Variants in UNC5D observed in about 807,000 individuals in gnomAD.
UNC5D encodes unc-5 netrin receptor D.
A neutral mutation model predicts 105.4 loss-of-function variants in UNC5D; 39 were observed. The ratio of observed to expected loss-of-function variants is 0.37; its 90% CI spans 0.29 to 0.48. The LOEUF is 0.48. Ranked by LOEUF, UNC5D falls within the 20% of genes least tolerant of loss-of-function variation. UNC5D has a pLI of 0.98. For synonymous variants in UNC5D, 452 were observed against 450.4 expected (o/e 1.00, Z -0.04); for missense variants, 991 against 1,202.4 (o/e 0.82, Z 2.60).
chr8:35,429,842 C>T (rs980867811), intron 1 of UNC5D, among the ~76,000 whole-genome samples: 9 of 152,118 alleles, frequency 5.9e-5, no homozygotes, highest in African/African-American at 2.2e-4. Context: ...TAGAGCCTAG[C>T]ATTTTGTTTT....
chr8:35,719,523 G>C (rs1013435828), intron 8 of UNC5D, among the ~76,000 whole-genome samples: 2 of 152,166 alleles, frequency 1.3e-5, no homozygotes, highest in African/African-American at 4.8e-5. Context: ...AGTGTAAAAT[G>C]TGGCTTTGAG....
At chr8:35,251,858 G>A (rs954371076) in intron 1 of UNC5D, among the ~76,000 whole-genome samples, 8 of 152,018 alleles carry the variant, frequency 5.3e-5, no homozygotes, top group East Asian at 3.9e-4. Context: ...TTCCTCATAC[G>A]GAGTAGGGTG....
At chr8:35,347,989 T>C (rs971597093) in intron 1 of UNC5D, among the ~76,000 whole-genome samples, 1 of 151,968 alleles carries the variant, frequency 6.6e-6, no homozygotes, top group African/African-American at 2.4e-5. Context: ...ATTTCTTTAA[T>C]GGAAATTCTT....
chr8:35,721,984 C>T (rs1178218312), intron 8 of UNC5D, among the ~76,000 whole-genome samples: 1 of 152,192 alleles, frequency 6.6e-6, no homozygotes, highest in Non-Finnish European at 1.5e-5. Flanking sequence ...TGCTAAGCTA[C>T]CTTAATGCAG....
At chr8:35,535,126 T>G (rs1342873970) in intron 1 of UNC5D, among the ~76,000 whole-genome samples, 2 of 152,224 alleles carry the variant, frequency 1.3e-5, no homozygotes, top group Middle Eastern at 3.2e-3. Flanking sequence ...CAAAATTAAG[T>G]GCTTGCTATA....
chr8:35,554,089 T>C (rs1816358609), intron 2 of UNC5D, among the ~76,000 whole-genome samples: 2 of 152,220 alleles, frequency 1.3e-5, no homozygotes, highest in Admixed American at 1.3e-4. Flanking sequence ...TAATGGGAAA[T>C]GCATAGGACC....
At chr8:35,719,160 A>ACACT (rs1363973254) in intron 8 of UNC5D, among the ~76,000 whole-genome samples, 2 of 147,670 alleles carry the variant, frequency 1.4e-5, no homozygotes, top group Non-Finnish European at 3.0e-5. Flanking sequence ...ACACACACAC[A>ACACT]CACACACACA....
At chr8:35,731,747 T>G (rs1829208951) in intron 11 of UNC5D, among the ~76,000 whole-genome samples, 2 of 152,140 alleles carry the variant, frequency 1.3e-5, no homozygotes, top group Non-Finnish European at 2.9e-5. Flanking sequence ...TGCTAAGCCT[T>G]AGGCAAATAC....
intron 2 of UNC5D, among the ~76,000 whole-genome samples, chr8:35,559,500 A>G (rs556496649): frequency 3.3e-5 from 5 of 152,346 alleles, no homozygotes; most frequent in South Asian, 4.1e-4. Context: ...GGCTGGAAAC[A>G]GTAACCACAG....
At chr8:35,593,046 TACACAC>T (rs200962371) in intron 3 of UNC5D, among the ~76,000 whole-genome samples, 1,487 of 141,200 alleles carry the variant, frequency 0.011, 35 homozygotes, top group African/African-American at 0.033. Flanking sequence ...GTAGTTTTTA[TACACAC>T]ACACACACAC....
chr8:35,765,675 A>G (rs575636839), intron 14 of UNC5D, among the ~76,000 whole-genome samples: 2 of 152,252 alleles, frequency 1.3e-5, no homozygotes, highest in East Asian at 3.9e-4. Context: ...TGTGCACATA[A>G]GGGCTCGGGA....
chr8:35,269,077 G>A (rs1805092479), intron 1 of UNC5D, among the ~76,000 whole-genome samples: 1 of 152,108 alleles, frequency 6.6e-6, no homozygotes, highest in South Asian at 2.1e-4. Context: ...CTGGCATAAA[G>A]AAAACACATA....
chr8:35,295,929 T>C (rs952365145), intron 1 of UNC5D, among the ~76,000 whole-genome samples: 4 of 152,198 alleles, frequency 2.6e-5, no homozygotes, highest in African/African-American at 9.6e-5. Flanking sequence ...ACAGTATTTG[T>C]GTTTCCCTGT....
chr8:35,554,438 T>C (rs1816386414), intron 2 of UNC5D, among the ~76,000 whole-genome samples: 2 of 152,236 alleles, frequency 1.3e-5, no homozygotes, highest in African/African-American at 4.8e-5. Flanking sequence ...TTTGGAAATA[T>C]GGGAACTCGT....
intron 3 of UNC5D, among the ~76,000 whole-genome samples, chr8:35,568,799 G>A (rs1004401066): frequency 3.3e-5 from 5 of 152,284 alleles, no homozygotes; most frequent in African/African-American, 1.2e-4. Flanking sequence ...TCTCAACAAT[G>A]CCAGGGAAAA....
chr8:35,443,578 C>T (rs1008404659), intron 1 of UNC5D, among the ~76,000 whole-genome samples: 30 of 151,710 alleles, frequency 2.0e-4, no homozygotes, highest in Non-Finnish European at 1.0e-4. Context: ...TGGGAATCTG[C>T]GGAATATTTA....
intron 1 of UNC5D, among the ~76,000 whole-genome samples, chr8:35,403,396 T>G (rs1804597039): frequency 6.6e-6 from 1 of 152,072 alleles, no homozygotes; most frequent in African/African-American, 2.4e-5. Flanking sequence ...CATCCCCAAA[T>G]CCATTGTGAT....
chr8:35,250,071 T>C (rs1445800032), intron 1 of UNC5D, among the ~76,000 whole-genome samples: 1 of 152,178 alleles, frequency 6.6e-6, no homozygotes, highest in Non-Finnish European at 1.5e-5. Context: ...AATGGTTTTA[T>C]TGGAACACGT....
At chr8:35,401,973 A>C (rs1804496681) in intron 1 of UNC5D, among the ~76,000 whole-genome samples, 1 of 152,162 alleles carries the variant, frequency 6.6e-6, no homozygotes, top group Non-Finnish European at 1.5e-5. Flanking sequence ...TAAATAATGG[A>C]TTGAGCCTGG....
Sources: gnomAD v4.1 joint callset for allele counts (sites outside exome capture counted in the v4.1 genomes callset) on GRCh38, gnomAD v4.1.1 for gene constraint, MANE v1.5 for transcripts, NCBI Gene and HGNC (gene_info 2026-07-23, HGNC 2026-07-21) for gene names.